The following TP63 variants were observed in gnomAD, a reference collection of about 807,000 sequenced individuals.
TP63 encodes the protein tumor protein p63.
Under a neutral mutation model 82.8 loss-of-function variants are expected in TP63, and 17 were observed. The ratio of observed to expected loss-of-function variants is 0.21; its 90% confidence interval spans 0.14 to 0.31. The LOEUF (loss-of-function observed/expected upper bound fraction) is 0.31, where lower values mean the gene tolerates loss of function less well. Ranked by LOEUF, TP63 falls within the 10% of genes least tolerant of loss-of-function variation. The pLI, the probability that TP63 is intolerant of heterozygous loss-of-function variation, is 1.00. For missense variants in TP63, 648 were observed against 895.3 expected (o/e 0.72, Z 3.52); for synonymous variants, 330 against 321.7 (o/e 1.03, Z -0.28).
rs1290165168 is a variant in TP63 at position 189,668,796 on chromosome 3, A to G, written c.62+37219A>G. Among the ~76,000 whole-genome samples, 3 of 152,050 alleles carry G rather than the reference A, an allele frequency of 2.0e-5. No individual in the cohort carries two copies. In the South Asian group the frequency reaches 6.2e-4, roughly 32 times the overall value. On this transcript the variant is annotated intron_variant, in intron 1 of 13. Transcript: ENST00000264731. ...GGGAAGTCAAGGCGGGAGGATTGCC[A>G]GAGGCTAAGAGTTCAAGACCAGCCC...
intron 3 of TP63, among the ~76,000 whole-genome samples, chr3:189,783,514 G>C (rs1480038238): frequency 6.6e-6 from 1 of 151,748 alleles, no homozygotes; most frequent in Admixed American, 6.6e-5. Flanking sequence ...AAAGAAGTGA[G>C]TTTTGTATAA....
chr3:189,814,990 C>T (rs750756241), intron 4 of TP63, among the ~76,000 whole-genome samples: 4 of 114,176 alleles, frequency 3.5e-5, no homozygotes, highest in Non-Finnish European at 7.1e-5. Context: ...GCTTATATTT[C>T]TTTTCCTACT....
At chr3:189,683,764 C>G (rs1056121114) in intron 1 of TP63, among the ~76,000 whole-genome samples, 1 of 152,152 alleles carries the variant, frequency 6.6e-6, no homozygotes, top group African/African-American at 2.4e-5. Flanking sequence ...TTGCAGTAGC[C>G]TGCCAATCCT....
chr3:189,843,868 CACTGGGCAATATTTACTGCCCCAT>C (rs1341533850), intron 4 of TP63, among the ~76,000 whole-genome samples: 2 of 152,196 alleles, frequency 1.3e-5, no homozygotes, highest in African/African-American at 4.8e-5. Flanking sequence ...TTCCATGATT[CACTGGGCAATATTTACTGCCCCAT>C]TATACACATG....
chr3:189,637,733 A>G (rs1216769191), intron 1 of TP63, among the ~76,000 whole-genome samples: 1 of 152,138 alleles, frequency 6.6e-6, no homozygotes, highest in Non-Finnish European at 1.5e-5. Flanking sequence ...AGGCAGAATA[A>G]TAGTCTCGAA....
rs1384832917 is a variant in TP63, at chr3:189,888,715, A to C, written c.1508-625A>C. 2.6e-5 allele frequency among the ~76,000 whole-genome samples: 4 copies of C among 152,226 alleles called. No homozygotes were observed. The East Asian group carries it at 5.8e-4, about 22-fold the overall frequency. Reference sequence around the variant, plus strand: ...ACACTTAATTGTTTAGTAAAATATCAGTAAGTATTGGTGGTGTTCCTGTAT... The same window carrying C: ...ACACTTAATTGTTTAGTAAAATATCCGTAAGTATTGGTGGTGTTCCTGTAT... On this transcript the variant is annotated intron_variant, in intron 11 of 13. Coordinates refer to ENST00000264731, the MANE Select transcript of TP63 (RefSeq NM_003722.5).
chr3:189,672,488 G>A (rs941435460), intron 1 of TP63, among the ~76,000 whole-genome samples: 4 of 152,126 alleles, frequency 2.6e-5, no homozygotes, highest in Admixed American at 2.6e-4. Flanking sequence ...TGTAGTCCCA[G>A]CTACTAGGGG....
intron 4 of TP63, among the ~76,000 whole-genome samples, chr3:189,827,334 C>A (rs1378785204): frequency 1.3e-5 from 2 of 152,152 alleles, no homozygotes; most frequent in Non-Finnish European, 2.9e-5. Flanking sequence ...TAGATGAACA[C>A]TTGCCTTGTG....
At chr3:189,811,649 A>G (rs1033263650) in intron 4 of TP63, among the ~76,000 whole-genome samples, 8 of 152,154 alleles carry the variant, frequency 5.3e-5, no homozygotes, top group Admixed American at 3.3e-4. Context: ...TTTAAAAAGT[A>G]TTTTTTCATA....
rs779896859 is a variant in TP63 at position 189,808,276 on chromosome 3, A to G, written c.329A>G (p.Gln110Arg). The change falls in exon 4 of 14, where the codon CAG (glutamine) becomes CGG (arginine). Residue 110 changes from glutamine to arginine, a missense_variant. Transcript: ENST00000264731. ...DSDLSDPMWP[Q>R]YTNLGLLNSM... ...GGTTTCTGGGTGTCCTTGCAGCCAC[A>G]GTACACGAACCTGGGGCTCCTGAAC... 1 of 1,614,196 alleles carries G rather than the reference A, an allele frequency of 6.2e-7. No individual in the cohort carries two copies.
rs193039025 is a variant in TP63 at position 189,794,818 on chromosome 3, A to G, written c.325-13454A>G. Among the ~76,000 whole-genome samples, 8 of 152,180 alleles carry G rather than the reference A, an allele frequency of 5.3e-5. No homozygotes were observed. In the East Asian group the frequency reaches 1.4e-3, roughly 26 times the overall value. ...AGATTGCCTAGAAGTATGAAAATGC[A>G]TCTCTCTGCATTGCACATTGGCTGC... On this transcript the variant is annotated intron_variant, in intron 3 of 13. Coordinates refer to ENST00000264731, the MANE Select transcript of TP63 (RefSeq NM_003722.5).
chr3:189,779,562 G>T (rs965583378), intron 3 of TP63, among the ~76,000 whole-genome samples: 1 of 152,178 alleles, frequency 6.6e-6, no homozygotes, highest in Non-Finnish European at 1.5e-5. Context: ...TAAAAAAGGT[G>T]ATTTGCTCTG....
At chr3:189,798,396 T>A (rs552599795) in intron 3 of TP63, among the ~76,000 whole-genome samples, 4 of 152,202 alleles carry the variant, frequency 2.6e-5, no homozygotes, top group African/African-American at 9.6e-5. Context: ...AGCAAGAAAG[T>A]TTTTGAAAGA....
chr3:189,707,156 AT>A, intron 1 of TP63, among the ~76,000 whole-genome samples: 1 of 152,334 alleles, frequency 6.6e-6, no homozygotes, highest in South Asian at 2.1e-4. Context: ...TAAAAAAGGA[AT>A]TTTTTAAAAA....
rs183154960 is a variant in TP63, at chr3:189,889,345, A to G, written c.1513A>G (p.Met505Val). Residue 505 changes from methionine (M) to valine (V), a missense_variant, in exon 12 of 14, where the codon ATG becomes GTG. Physicochemically the swap from Met to Val is conservative, Grantham distance 21. Around this residue, in one of 5 missense-constraint regions of TP63, gnomAD observed 342 missense variants for 425.7 expected, o/e 0.80. Coordinates refer to ENST00000264731, the MANE Select transcript of TP63 (RefSeq NM_003722.5). ...TTCCTCCTGCTTCTGTTCAGTTCCC[A>G]TGATGGGCACCCACATGCCAATGGC... ...IPDGMGANIPMMGTHMPMAGD... is the reference protein window; with the variant it reads ...IPDGMGANIPVMGTHMPMAGD... 13 of 1,614,166 alleles carry G rather than the reference A, an allele frequency of 8.1e-6. No individual in the cohort carries two copies. The highest frequency in any genetic ancestry group is 1.7e-5 in the Admixed American group (1 of 60,026).
chr3:189,692,630 A>T (rs983938235), intron 1 of TP63, among the ~76,000 whole-genome samples: 2 of 152,160 alleles, frequency 1.3e-5, no homozygotes, highest in Admixed American at 6.5e-5. Context: ...AATGCATTTT[A>T]TTTTTGGACT....
chr3:189,885,519 C>A (rs1229332220), intron 10 of TP63, among the ~76,000 whole-genome samples: 1 of 152,202 alleles, frequency 6.6e-6, no homozygotes, highest in African/African-American at 2.4e-5. Context: ...CGGAGGAAGG[C>A]TTCATCTCTG....
At chr3:189,826,468 A>T (rs898417466) in intron 4 of TP63, among the ~76,000 whole-genome samples, 3 of 152,216 alleles carry the variant, frequency 2.0e-5, no homozygotes, top group African/African-American at 7.2e-5. Flanking sequence ...GCATTCCAAG[A>T]CACATACAGT....
At chr3:189,880,204 G>A in intron 10 of TP63, 1 of 1,608,192 alleles carries the variant, frequency 6.2e-7, no homozygotes, top group Non-Finnish European at 8.5e-7. Context: ...TTTTAAGTGT[G>A]TGTGTTGTAT....
Sources: allele counts gnomAD v4.1 joint callset (sites outside exome capture counted in the v4.1 genomes callset), GRCh38; gene constraint gnomAD v4.1.1; regional missense constraint gnomAD v4.1.1; transcripts MANE v1.5; gene names NCBI Gene and HGNC (gene_info 2026-07-23, HGNC 2026-07-21).